Variants in D2HGDH observed in about 807,000 individuals in gnomAD.
The protein encoded by D2HGDH is D-2-hydroxyglutarate dehydrogenase, mitochondrial.
In D2HGDH, 31 loss-of-function variants were observed where a neutral mutation model predicts 46.9. The ratio of observed to expected loss-of-function variants is 0.66; its 90% confidence interval spans 0.50 to 0.89. The LOEUF is 0.89. D2HGDH is among the 40% of genes least tolerant of loss of function. D2HGDH has a pLI of 0.00. For synonymous variants in D2HGDH, 364 were observed against 332.6 expected (o/e 1.09, Z -1.03); for missense variants, 698 against 720.8 (o/e 0.97, Z 0.36).
chr2:241,749,936 A>T, intron 6 of D2HGDH: 1 of 645,626 alleles, frequency 1.5e-6, no homozygotes, highest in Non-Finnish European at 2.8e-6. Context: ...CTAGGTGTGC[A>T]CCTACCCCTC....
chr2:241,756,924 G>A (rs1459688368), intron 9 of D2HGDH, among the ~76,000 whole-genome samples: 1 of 152,116 alleles, frequency 6.6e-6, no homozygotes, highest in Admixed American at 6.5e-5. Context: ...ATGGCTTTGG[G>A]GCCTGACAGA....
chr2:241,744,790 A>G lies in D2HGDH; in HGVS notation c.766A>G (p.Ile256Val). The G allele has an allele frequency of 5.6e-6, 9 of 1,614,176 alleles. No individual in the cohort carries two copies. The highest frequency in any genetic ancestry group is 7.6e-6 in the Non-Finnish European group (9 of 1,180,038). Residue 256 changes from isoleucine to valine, a missense_variant, in exon 6 of 10, where the codon ATC becomes GTC. Physicochemically the swap from Ile to Val is conservative, Grantham distance 29. Coordinates refer to ENST00000321264, the MANE Select transcript of D2HGDH (RefSeq NM_152783.5). ...NTGYDLKQLF[I>V]GSEGTLGIIT... is the part of the protein sequence containing the mutation. ...GGGCTATGACCTGAAGCAGCTGTTC[A>G]TCGGGTCGGAGGGCACTTTGGGGAT... is the stretch of plus-strand genomic sequence containing the variant.
chr2:241,767,847 A>G lies in D2HGDH; in HGVS notation c.1444A>G (p.Lys482Glu), dbSNP rs1217665931. Residue 482 changes from lysine to glutamate, a missense_variant, in exon 10 of 10, where the codon AAG becomes GAG. Physicochemically the swap from Lys to Glu is moderately conservative, Grantham distance 56. Coordinates refer to ENST00000321264, the MANE Select transcript of D2HGDH (RefSeq NM_152783.5). ...VSAEHGVGFR[K>E]RDVLGYSKPP... ...CGCGGAGCACGGAGTGGGCTTCAGG[A>G]AGAGGGACGTCCTGGGCTACAGCAA... is the stretch of plus-strand genomic sequence containing the variant. 6.2e-7 allele frequency: 1 copy of G among 1,611,946 alleles called. No individual in the cohort carries two copies. Among genetic ancestry groups the G allele is most frequent in the Non-Finnish European group, 8.5e-7 (1 of 1,179,350 alleles).
At chr2:241,738,438 G>A (rs1228223406) in intron 2 of D2HGDH, among the ~76,000 whole-genome samples, 2 of 152,234 alleles carry the variant, frequency 1.3e-5, no homozygotes, top group Non-Finnish European at 2.9e-5. Flanking sequence ...GGAACCTAGC[G>A]TGAGCCTTGA....
chr2:241,768,104 G>A lies in D2HGDH; in HGVS notation c.*135G>A, dbSNP rs914074005. 36 of 1,315,342 alleles carry A rather than the reference G, an allele frequency of 2.7e-5. No individual in the cohort carries two copies. Among genetic ancestry groups the A allele is most frequent in the East Asian group, 1.3e-4 (5 of 39,326 alleles). 81.5% of individuals were successfully genotyped at this position (1,315,342 alleles called of 1,614,324 possible). A position where few individuals can be genotyped will look rare whatever the true frequency, so the allele number is the denominator to read the frequency against. ...ACCTGGTTGAAGGGACTGGGAGCCCGCACTGGGGAACTGCCGGACGCAGGC... is the reference window on the plus strand; with the variant it reads ...ACCTGGTTGAAGGGACTGGGAGCCCACACTGGGGAACTGCCGGACGCAGGC... On this transcript the variant is annotated 3_prime_UTR_variant, in exon 10 of 10. Transcript: ENST00000321264.
chr2:241,749,173 C>G (rs1559375812), intron 6 of D2HGDH: 4 of 833,856 alleles, frequency 4.8e-6, no homozygotes, highest in Non-Finnish European at 4.7e-6. Flanking sequence ...ATGCCCAGTC[C>G]CCACCGCCAG....
At chr2:241,735,542 C>T (rs1244678121) in intron 2 of D2HGDH, 26 bp downstream of exon 2, 1 of 1,600,168 alleles carries the variant, frequency 6.2e-7, no homozygotes, top group South Asian at 1.1e-5. Context: ...GAAGCTGCGG[C>T]GTTTCCGCGT....
rs191729128 is a variant in D2HGDH, at chr2:241,741,664, T to G, written c.350+574T>G. Reference sequence around the variant, plus strand: ...CTGTCTCCAGGGTTTATTTCATGTGTGGGGCTTGCTGTCTCCAGGGTTTAT... The same window carrying G: ...CTGTCTCCAGGGTTTATTTCATGTGGGGGGCTTGCTGTCTCCAGGGTTTAT... On this transcript the variant is annotated intron_variant, in intron 3 of 9. Transcript: ENST00000321264. Among the ~76,000 whole-genome samples the G allele has an allele frequency of 1.0e-4, 13 of 128,356 alleles. 1 individual carries two copies. The East Asian group carries it at 2.8e-3, about 28-fold the overall frequency. The allele number at this position is 128,356 out of a possible 152,430, so 84.2% of individuals were successfully genotyped here. A position where few individuals can be genotyped will look rare whatever the true frequency, so the allele number is the denominator to read the frequency against.
chr2:241,751,960 G>T (rs149702186), intron 8 of D2HGDH, among the ~76,000 whole-genome samples: 1 of 71,828 alleles, frequency 1.4e-5, no homozygotes, highest in Non-Finnish European at 2.9e-5. Flanking sequence ...CGGGGCCTGG[G>T]CAGGGGGAGC....
intron 9 of D2HGDH, among the ~76,000 whole-genome samples, chr2:241,756,326 C>T (rs111483024): frequency 0.02 from 3,089 of 152,324 alleles, 127 homozygotes; most frequent in African/African-American, 0.07. Flanking sequence ...GCCTTAACCC[C>T]GGAGTCCGGG....
intron 9 of D2HGDH, among the ~76,000 whole-genome samples, chr2:241,757,061 C>T (rs1297708890): frequency 1.3e-5 from 2 of 152,172 alleles, no homozygotes; most frequent in African/African-American, 4.8e-5. Flanking sequence ...GGGTTGTGTA[C>T]GTGACGACAA....
Position 241,760,296 on chromosome 2 carries a change from G to A in D2HGDH, c.1306+4282G>A, listed in dbSNP as rs1167544069. On this transcript the variant is annotated intron_variant, in intron 9 of 9. Coordinates refer to ENST00000321264, the MANE Select transcript of D2HGDH (RefSeq NM_152783.5). Reference sequence around the variant, plus strand: ...CTTACCCAATCAGTCGAAGGACTTCGCCACAGCGTGGGTGGGCCTTACCCA... The same window carrying A: ...CTTACCCAATCAGTCGAAGGACTTCACCACAGCGTGGGTGGGCCTTACCCA... Among the ~76,000 whole-genome samples the A allele has an allele frequency of 4.6e-5, 3 of 65,756 alleles. 1 individual carries two copies. The highest frequency in any genetic ancestry group is 8.3e-5 in the Non-Finnish European group (3 of 36,088). The allele number at this position is 65,756 out of a possible 152,430, so 43.1% of individuals were successfully genotyped here.
chr2:241,747,661 TG>T (rs1696235375), intron 6 of D2HGDH, among the ~76,000 whole-genome samples: 1 of 151,714 alleles, frequency 6.6e-6, no homozygotes. Context: ...CTTGAACTCC[TG>T]CACTGAAGGG....
At chr2:241,750,005 T>G (rs1696853661) in intron 6 of D2HGDH, 146 bp from the exon 7 acceptor site, 2 of 1,195,526 alleles carry the variant, frequency 1.7e-6, no homozygotes, top group Non-Finnish European at 1.2e-6. Context: ...CCTGGGCTGT[T>G]TGTTGCAGTG....
chr2:241,739,059 T>C (rs1575187700), intron 2 of D2HGDH, among the ~76,000 whole-genome samples: 1 of 152,362 alleles, frequency 6.6e-6, no homozygotes, highest in African/African-American at 2.4e-5. Context: ...CTTCGCGGTG[T>C]GAAAACAGGC....
intron 2 of D2HGDH, chr2:241,736,231 C>G (rs897120666): frequency 6.6e-6 from 1 of 152,188 alleles, no homozygotes; most frequent in Non-Finnish European, 1.5e-5. Context: ...ATTGAAAAAA[C>G]AAAAAGTAAA....
intron 3 of D2HGDH, among the ~76,000 whole-genome samples, chr2:241,741,697 A>G (rs77875598): frequency 9.4e-4 from 84 of 89,104 alleles, no homozygotes; most frequent in East Asian, 1.9e-3. Context: ...TATTTCATGT[A>G]TGGGGCTTGC....
At chr2:241,763,889 CA>C (rs1012574597) in intron 9 of D2HGDH, among the ~76,000 whole-genome samples, 51 of 151,484 alleles carry the variant, frequency 3.4e-4, no homozygotes. Flanking sequence ...GCCGTTTCTA[CA>C]AAAAAAATAA....
rs766261369 is a variant in D2HGDH, at chr2:241,767,957, C to T, written c.1554C>T (p.Pro518=). The T allele has an allele frequency of 1.1e-5, 18 of 1,593,060 alleles. No homozygotes were observed. The South Asian group carries it at 1.7e-4, about 15-fold the overall frequency. Residue 518 remains proline (P), a synonymous_variant, in exon 10 of 10, where the codon CCC becomes CCT. Transcript: ENST00000321264. The stretch of plus-strand genomic sequence containing the variant: ...TCCTCAACCCCTACAAGACGCTGCC[C>T]AGCCAGGCCTGACGGCCACTCCTGC... ...KGILNPYKTL[P]SQA
Sources: gnomAD v4.1 joint callset for allele counts (sites outside exome capture counted in the v4.1 genomes callset) on GRCh38, gnomAD v4.1.1 for gene constraint, MANE v1.5 for transcripts, NCBI Gene and HGNC (gene_info 2026-07-23, HGNC 2026-07-21) for gene names.